The following TMEM181 variants were observed in gnomAD, a reference collection of about 807,000 sequenced individuals.
The protein encoded by TMEM181 is transmembrane protein 181, also known as G protein-coupled receptor 178.
A neutral mutation model predicts 71.9 loss-of-function variants in TMEM181; 39 were observed. That is an observed-to-expected ratio of 0.54 (90% CI 0.42 to 0.71). TMEM181 has a LOEUF of 0.71. Among genes scored for constraint, TMEM181 ranks in the 30% least tolerant of loss-of-function variants. TMEM181 has a pLI of 0.00. For synonymous variants in TMEM181, 245 were observed against 228.8 expected (o/e 1.07, Z -0.64); for missense variants, 595 against 583.0 (o/e 1.02, Z -0.21).
intron 1 of TMEM181, chr6:158,536,905 T>G: frequency 7.7e-7 from 1 of 1,296,372 alleles, no homozygotes; most frequent in East Asian, 2.9e-5. Context: ...GCCGGAGGCT[T>G]CCGGGCCGCA....
intron 5 of TMEM181, among the ~76,000 whole-genome samples, chr6:158,587,158 A>C (rs1433968838): frequency 6.6e-6 from 1 of 152,206 alleles, no homozygotes; most frequent in Non-Finnish European, 1.5e-5. Flanking sequence ...GTTGCTCAGC[A>C]CACAGGACTT....
chr6:158,605,331 T>C lies in TMEM181; in HGVS notation c.557T>C (p.Leu186Pro), dbSNP rs1241003149. The C allele has an allele frequency of 2.5e-6, 4 of 1,614,104 alleles. No individual in the cohort carries two copies. Among genetic ancestry groups the C allele is most frequent in the Non-Finnish European group, 3.4e-6 (4 of 1,180,002 alleles). The change falls in exon 7 of 17, where the codon CTC becomes CCC. Residue 186 changes from leucine to proline, a missense_variant. Coordinates refer to ENST00000684151, the MANE Select transcript of TMEM181 (RefSeq NM_001376852.1). ...EIWFRFFFVV[L>P]TFIVTCLFAH... ...TGGTTCCGGTTTTTCTTTGTGGTGC[T>C]CACCTTCATCGTCACTGTGAGTACC...
intron 16 of TMEM181, 107 bp from the exon 17 acceptor site, chr6:158,631,703 A>G: frequency 7.7e-7 from 1 of 1,290,762 alleles, no homozygotes; most frequent in African/African-American, 1.5e-5. Context: ...GAAAATTGAA[A>G]GAGCGAAGCT....
At chr6:158,541,789 C>G (rs1781357690) in intron 1 of TMEM181, among the ~76,000 whole-genome samples, 1 of 151,372 alleles carries the variant, frequency 6.6e-6, no homozygotes, top group African/African-American at 2.4e-5. Flanking sequence ...TCCTTGTTTT[C>G]AAGTTATTGG....
Position 158,615,552 on chromosome 6 carries a change from C to G in TMEM181, c.896+6802C>G, listed in dbSNP as rs1027943992. Among the ~76,000 whole-genome samples, 5 of 152,170 alleles carry G rather than the reference C, an allele frequency of 3.3e-5. No homozygotes were observed. In the South Asian group the frequency reaches 8.3e-4, roughly 25 times the overall value. On this transcript the variant is annotated intron_variant, in intron 10 of 16. Transcript: ENST00000684151. ...GCTTTTGGTGTTTTAGTCATGAAGT[C>G]CTTGCCCATGCCCATGTCCTGAATG...
In TMEM181 at chr6:158,620,665, C is replaced by T. The variant is rs1785903022; in HGVS notation, c.897-2885C>T. Among the ~76,000 whole-genome samples, 1 of 152,104 alleles carries T rather than the reference C, an allele frequency of 6.6e-6. No homozygotes were observed. The highest frequency in any genetic ancestry group is 1.5e-5 in the Non-Finnish European group (1 of 68,038). Reference sequence around the variant, plus strand: ...CGCAGTCCCCTTCAGATTAGTTGTCCTCGCACAAATTGCTGGAAGAGTGAA... The same window carrying T: ...CGCAGTCCCCTTCAGATTAGTTGTCTTCGCACAAATTGCTGGAAGAGTGAA... On this transcript the variant is annotated intron_variant, in intron 10 of 16. Transcript: ENST00000684151. The surrounding 1 kb of genome is among the most constrained non-coding windows in gnomAD (Gnocchi z 4.5).
rs201958009 is a variant in TMEM181, at chr6:158,536,750, C to A, written c.16C>A (p.Pro6Thr). 323 of 1,577,896 alleles carry A rather than the reference C, an allele frequency of 2.0e-4. 1 individual carries two copies. The African/African-American group carries it at 4.1e-3, about 20-fold the overall frequency. ...GCTGCGCGGCATGGACGCCGAGTACCCTGCCTTTGAGCCCCCGCTCTGCAG... is the reference window on the plus strand; with the variant it reads ...GCTGCGCGGCATGGACGCCGAGTACACTGCCTTTGAGCCCCCGCTCTGCAG... Residue 6 changes from proline (P) to threonine (T), a missense_variant, in exon 1 of 17, where the codon CCT becomes ACT. By Grantham distance (38) the Pro-to-Thr change is conservative. Coordinates refer to the TMEM181 transcript ENST00000367090.
At chr6:158,629,917 G>T in intron 15 of TMEM181, 98 bp downstream of exon 15, 1 of 993,366 alleles carries the variant, frequency 1.0e-6, no homozygotes, top group Non-Finnish European at 1.6e-6. Context: ...TCATGTGGGC[G>T]CTGTGATTCC....
chr6:158,554,096 A>ATTTTT (rs1407923641), intron 1 of TMEM181, among the ~76,000 whole-genome samples: 18 of 135,622 alleles, frequency 1.3e-4, no homozygotes, highest in African/African-American at 4.8e-4. Flanking sequence ...ATTTTATTTT[A>ATTTTT]TTTTTTGAGA....
intron 10 of TMEM181, among the ~76,000 whole-genome samples, chr6:158,616,669 A>G (rs574500941): frequency 6.6e-6 from 1 of 152,250 alleles, no homozygotes; most frequent in South Asian, 2.1e-4. Flanking sequence ...ATCAACACCT[A>G]GTTTATTGAG....
At chr6:158,609,679 G>T in intron 10 of TMEM181, 1 of 232,528 alleles carries the variant, frequency 4.3e-6, no homozygotes, top group Non-Finnish European at 9.2e-6. Flanking sequence ...TTTTCTGGGA[G>T]ACTCCCAATG....
At chr6:158,608,527 G>C in intron 9 of TMEM181, 64 bp downstream of exon 9, 1 of 1,612,408 alleles carries the variant, frequency 6.2e-7, no homozygotes, top group Non-Finnish European at 8.5e-7. Context: ...CCCGAACTCT[G>C]AGGACAGCCC....
chr6:158,548,189 A>G (rs942406451), intron 1 of TMEM181, among the ~76,000 whole-genome samples: 1 of 152,122 alleles, frequency 6.6e-6, no homozygotes, highest in Non-Finnish European at 1.5e-5. Context: ...TTGGAAATAA[A>G]CCAGCCGTGT....
chr6:158,596,740 C>T (rs1040408130), intron 6 of TMEM181, among the ~76,000 whole-genome samples: 2 of 151,960 alleles, frequency 1.3e-5, no homozygotes, highest in African/African-American at 4.8e-5. Flanking sequence ...TGGCGAGAGG[C>T]GAAAGGCTCT....
chr6:158,562,040 A>G (rs1782209364), intron 1 of TMEM181, among the ~76,000 whole-genome samples: 1 of 152,166 alleles, frequency 6.6e-6, no homozygotes, highest in South Asian at 2.1e-4. Context: ...GTCCAGGGAA[A>G]GAATGGGAGA....
rs574129762 is a variant in TMEM181 at position 158,633,842 on chromosome 6, C to G, written c.*1954C>G. The G allele has an allele frequency of 6.6e-6, 1 of 152,128 alleles. No individual in the cohort carries two copies. The highest frequency in any genetic ancestry group is 2.1e-4 in the South Asian group (1 of 4,822). 9.4% of individuals were successfully genotyped at this position (152,128 alleles called of 1,614,324 possible). A position where few individuals can be genotyped will look rare whatever the true frequency, so the allele number is the denominator to read the frequency against. ...TGTATTGAAAAAAATTTTCTGTTAC[C>G]AAATTTTACAACTTCTAATAAGACT... On this transcript the variant is annotated 3_prime_UTR_variant, in exon 17 of 17. Transcript: ENST00000684151.
intron 1 of TMEM181, among the ~76,000 whole-genome samples, chr6:158,569,008 G>T (rs201368956): frequency 1.3e-5 from 2 of 152,022 alleles, no homozygotes; most frequent in Non-Finnish European, 2.9e-5. Context: ...ACAGGGTCTC[G>T]CCCTGTTACC....
chr6:158,586,650 C>G (rs568826649), intron 5 of TMEM181, among the ~76,000 whole-genome samples: 1 of 148,574 alleles, frequency 6.7e-6, no homozygotes, highest in South Asian at 2.2e-4. Context: ...TTTTTCCTAG[C>G]AAGAAAGAAT....
At chr6:158,572,607 T>TG in intron 1 of TMEM181, 1 of 388,124 alleles carries the variant, frequency 2.6e-6, no homozygotes, top group Non-Finnish European at 5.2e-6. Flanking sequence ...CAGAGACCGG[T>TG]GTTCCCAAAG....
Sources: allele counts gnomAD v4.1 joint callset (sites outside exome capture counted in the v4.1 genomes callset), GRCh38; gene constraint gnomAD v4.1.1; non-coding constraint Gnocchi (gnomAD v3.1); transcripts MANE v1.5; gene names NCBI Gene and HGNC (gene_info 2026-07-23, HGNC 2026-07-21).